Variants in LRRK2 observed in about 807,000 individuals in gnomAD.
The protein encoded by LRRK2 is leucine rich repeat kinase 2, also known as leucine-rich repeat serine/threonine-protein kinase 2.
A neutral mutation model predicts 302.6 loss-of-function variants in LRRK2; 203 were observed. The ratio of observed to expected loss-of-function variants is 0.67; its 90% confidence interval spans 0.60 to 0.75. LRRK2 has a LOEUF of 0.75. Ranked by LOEUF, LRRK2 falls within the 30% of genes least tolerant of loss-of-function variation. LRRK2 has a pLI of 0.00. For missense variants in LRRK2, 2,830 were observed against 2,951.0 expected, an observed-to-expected ratio of 0.96 and a Z score of 0.95; for synonymous variants, 1,066 against 1,031.9, an observed-to-expected ratio of 1.03 and a Z score of -0.63.
intron 41 of LRRK2, among the ~76,000 whole-genome samples, chr12:40,344,607 A>G (rs1462028762): frequency 1.3e-5 from 2 of 152,202 alleles, no homozygotes; most frequent in African/African-American, 4.8e-5. Context: ...ATCAAATGAA[A>G]TGTTCAATAA....
intron 16 of LRRK2, among the ~76,000 whole-genome samples, chr12:40,277,357 C>T (rs1173448736): frequency 1.3e-5 from 2 of 152,132 alleles, no homozygotes; most frequent in East Asian, 1.9e-4. Flanking sequence ...GTGCCCTCAG[C>T]GCTTCTCAAC....
intron 25 of LRRK2, among the ~76,000 whole-genome samples, chr12:40,299,932 A>T (rs1200093959): frequency 6.6e-6 from 1 of 152,140 alleles, no homozygotes; most frequent in Non-Finnish European, 1.5e-5. Context: ...TCTATAATTT[A>T]AAAAAATTAT....
At chr12:40,313,699 A>G (rs12423419) in intron 31 of LRRK2, among the ~76,000 whole-genome samples, 2,087 of 151,044 alleles carry the variant, frequency 0.014, 146 homozygotes, top group Admixed American at 0.1. Context: ...TTTTTTTTCC[A>G]TGGAATTTCT....
rs778987251 is a variant in LRRK2, at chr12:40,314,148, C to T, written c.4713C>T (p.His1571=). 18 of 1,612,458 alleles carry T rather than the reference C, an allele frequency of 1.1e-5. No homozygotes were observed. Among genetic ancestry groups the T allele is most frequent in the Middle Eastern group, 1.7e-4 (1 of 6,050 alleles). The change falls in exon 32 of 51, where the codon CAC becomes CAT. Residue 1571 remains histidine (H), a synonymous_variant. Transcript: ENST00000298910. ...QLQLDENELP[H]AVHFLNESGV... is the part of the protein sequence containing the mutation. ...AGTTAGATGAAAATGAGCTTCCTCA[C>T]GCAGTTCACTTTCTAAATGAATCAG...
intron 14 of LRRK2, among the ~76,000 whole-genome samples, chr12:40,267,181 A>G (rs961285669): frequency 1.3e-5 from 2 of 152,198 alleles, no homozygotes; most frequent in Non-Finnish European, 2.9e-5. Context: ...CCTACTGGAG[A>G]TAGCTTTGCT....
chr12:40,300,751 A>G, intron 25 of LRRK2: 2 of 470,346 alleles, frequency 4.3e-6, no homozygotes, highest in Admixed American at 2.4e-5. Context: ...GCACAGACAA[A>G]CATTAAGTAA....
intron 4 of LRRK2, among the ~76,000 whole-genome samples, chr12:40,237,511 A>G (rs1007007934): frequency 6.6e-6 from 1 of 152,164 alleles, no homozygotes; most frequent in Non-Finnish European, 1.5e-5. Flanking sequence ...TGTTGCTTGG[A>G]TAGAGAATGA....
chr12:40,239,965 A>G (rs1453972422), intron 5 of LRRK2, among the ~76,000 whole-genome samples: 4 of 152,154 alleles, frequency 2.6e-5, no homozygotes, highest in African/African-American at 9.7e-5. Context: ...AATTGTGAAA[A>G]TTAATGATTT....
intron 2 of LRRK2, 147 bp downstream of exon 2, chr12:40,225,787 T>C: frequency 1.4e-6 from 1 of 718,304 alleles, no homozygotes; most frequent in South Asian, 1.5e-5. Context: ...GATGGGAATA[T>C]TGTTAAATCA....
chr12:40,327,121 A>T (rs1037482909), intron 38 of LRRK2, among the ~76,000 whole-genome samples: 1 of 152,186 alleles, frequency 6.6e-6, no homozygotes, highest in African/African-American at 2.4e-5. Context: ...AACCATAAAT[A>T]TTGTACAAAC....
intron 27 of LRRK2, 33 bp from the exon 28 acceptor site, chr12:40,305,752 C>T: frequency 6.2e-7 from 1 of 1,603,592 alleles, no homozygotes; most frequent in Non-Finnish European, 8.5e-7. Flanking sequence ...TTCCTTCCCA[C>T]CAACAGGTTT....
At chr12:40,246,920 T>C (rs911847102) in intron 7 of LRRK2, among the ~76,000 whole-genome samples, 2 of 152,152 alleles carry the variant, frequency 1.3e-5, no homozygotes, top group Non-Finnish European at 2.9e-5. Context: ...CCTTGATATT[T>C]TTGTGAGGAC....
chr12:40,364,589 T>C (rs1946820477), intron 48 of LRRK2, among the ~76,000 whole-genome samples: 1 of 151,896 alleles, frequency 6.6e-6, no homozygotes, highest in African/African-American at 2.4e-5. Flanking sequence ...TTTATAAAAA[T>C]TGTATCCCTC....
rs767819656 is a variant in LRRK2, at chr12:40,299,133, C to A, written c.3372C>A (p.Ser1124=). Residue 1124 remains serine (S), a synonymous_variant, in exon 25 of 51, where the codon TCC becomes TCA. Coordinates refer to ENST00000298910, the MANE Select transcript of LRRK2 (RefSeq NM_198578.4). ...LEGNKISGIC[S]PLRLKELKIL... ...GAAATAAAATATCAGGGATATGCTC[C>A]CCCTTGAGACTGAAGGAACTGAAGA... is the stretch of plus-strand genomic sequence containing the variant. 1.9e-6 allele frequency: 3 copies of A among 1,612,648 alleles called. No homozygotes were observed. The South Asian group carries it at 3.3e-5, about 18-fold the overall frequency.
chr12:40,331,074 T>C (rs967794492), intron 39 of LRRK2, among the ~76,000 whole-genome samples: 32 of 152,342 alleles, frequency 2.1e-4, no homozygotes, highest in African/African-American at 7.7e-4. Context: ...CTTTTTTCTC[T>C]GAGGTTATTT....
chr12:40,235,890 T>A (rs1209521625), intron 4 of LRRK2, among the ~76,000 whole-genome samples, 176 bp downstream of exon 4: 1 of 148,706 alleles, frequency 6.7e-6, no homozygotes, highest in Non-Finnish European at 1.5e-5. Context: ...GGGACAGCCA[T>A]AATATAATCT....
rs144990030 is a variant in LRRK2, at chr12:40,225,100, G to A, written c.-32G>A. ...TCCCTGAGCAGCGGACGTTCATGCT[G>A]GGAGGGCGGCGGGTTGGAAGCAGGT... On this transcript the variant is annotated 5_prime_UTR_variant, in exon 1 of 51. Transcript: ENST00000298910. 1.6e-5 allele frequency: 25 copies of A among 1,612,706 alleles called. No individual in the cohort carries two copies. The African/African-American group carries it at 3.2e-4, about 21-fold the overall frequency.
At chr12:40,274,792 G>C in intron 15 of LRRK2, 62 bp from the exon 16 acceptor site, 1 of 1,609,160 alleles carries the variant, frequency 6.2e-7, no homozygotes, top group Non-Finnish European at 8.5e-7. Context: ...GTGACTGGAT[G>C]TCTTTAAATA....
intron 11 of LRRK2, among the ~76,000 whole-genome samples, chr12:40,254,483 C>T (rs538654380): frequency 3.3e-5 from 5 of 152,220 alleles, no homozygotes; most frequent in East Asian, 1.9e-4. Flanking sequence ...TCGCTGTTCT[C>T]GAATCTCTCT....
Sources: allele counts gnomAD v4.1 joint callset (sites outside exome capture counted in the v4.1 genomes callset), GRCh38; gene constraint gnomAD v4.1.1; transcripts MANE v1.5; gene names NCBI Gene and HGNC (gene_info 2026-07-23, HGNC 2026-07-21).